Variants in MFHAS1 observed in about 807,000 individuals in gnomAD.
MFHAS1 encodes the protein malignant fibrous histiocytoma-amplified sequence 1.
In MFHAS1, 50 loss-of-function variants were observed where a neutral mutation model predicts 70.4. The observed-to-expected ratio is 0.71, with a 90% CI of 0.57 to 0.90. The LOEUF (loss-of-function observed/expected upper bound fraction) is 0.90, where lower values mean the gene tolerates loss of function less well. Ranked by LOEUF, MFHAS1 falls within the 40% of genes least tolerant of loss-of-function variation. The probability of loss-of-function intolerance (pLI) is 0.00; values close to 1 mark genes in which losing one functional copy is unlikely to be tolerated. For synonymous variants in MFHAS1, 952 were observed against 620.0 expected (o/e 1.54, Z -7.96); for missense variants, 1,795 against 1,347.6 (o/e 1.33, Z -5.20).
chr8:8,817,592 T>TG (rs553614670), intron 1 of MFHAS1, among the ~76,000 whole-genome samples: 4 of 152,206 alleles, frequency 2.6e-5, no homozygotes, highest in Middle Eastern at 3.2e-3. Context: ...AGCCCGCAGA[T>TG]GGGGGGGCTC....
intron 2 of MFHAS1, among the ~76,000 whole-genome samples, chr8:8,789,321 C>T (rs111663262): frequency 0.013 from 2,022 of 152,304 alleles, 39 homozygotes; most frequent in South Asian, 0.049. Context: ...TACAAAGCTA[C>T]GCTGTTACCC....
chr8:8,852,855 C>T (rs1037580027), intron 1 of MFHAS1, among the ~76,000 whole-genome samples: 8 of 152,266 alleles, frequency 5.3e-5, no homozygotes, highest in African/African-American at 1.7e-4. Context: ...TTGTTAGCCC[C>T]GATGAGTCAA....
intron 1 of MFHAS1, among the ~76,000 whole-genome samples, chr8:8,875,858 A>G (rs571533831): frequency 6.6e-6 from 1 of 152,346 alleles, no homozygotes; most frequent in Middle Eastern, 3.4e-3. Flanking sequence ...AAGTGCTGGC[A>G]TTACAGGTGT....
intron 1 of MFHAS1, among the ~76,000 whole-genome samples, chr8:8,856,215 G>C (rs1808432416): frequency 1.3e-5 from 2 of 152,198 alleles, no homozygotes; most frequent in Admixed American, 6.5e-5. Context: ...AGCAGCCAAA[G>C]GAGCTGGGCA....
chr8:8,890,734 G>A lies in MFHAS1; in HGVS notation c.2325C>T (p.Pro775=), dbSNP rs61748276. The A allele has an allele frequency of 1.5e-4, 237 of 1,613,616 alleles. No homozygotes were observed. In the African/African-American group the frequency reaches 2.8e-3, roughly 19 times the overall value. ...GGGTGGCCCGGAGCAGTTCCTGGCT[G>A]GGGGTGGACCGCGCCATGGGCGGGG... is the stretch of plus-strand genomic sequence containing the variant. ...ESSPPMARST[P]SQELLRATQL... The change falls in exon 1 of 3, where the codon CCC becomes CCT. Residue 775 remains proline, a synonymous_variant. Transcript: ENST00000276282.
intron 1 of MFHAS1, among the ~76,000 whole-genome samples, chr8:8,846,434 G>C (rs1249441905): frequency 1.3e-5 from 2 of 151,998 alleles, no homozygotes; most frequent in East Asian, 3.9e-4. Flanking sequence ...CAAGGTATCA[G>C]TGTTCCTTGC....
chr8:8,871,779 G>A (rs1809084459), intron 1 of MFHAS1, among the ~76,000 whole-genome samples: 3 of 152,180 alleles, frequency 2.0e-5, no homozygotes, highest in South Asian at 4.1e-4. Flanking sequence ...AGATGCATGG[G>A]CTCAGATGTA....
At chr8:8,835,961 TG>T (rs1476454456) in intron 1 of MFHAS1, among the ~76,000 whole-genome samples, 1 of 152,214 alleles carries the variant, frequency 6.6e-6, no homozygotes, top group Non-Finnish European at 1.5e-5. Context: ...GCTACTACAG[TG>T]GCACAGGTAG....
At chr8:8,801,746 C>T (rs984296318) in intron 1 of MFHAS1, among the ~76,000 whole-genome samples, 4 of 152,180 alleles carry the variant, frequency 2.6e-5, no homozygotes, top group Non-Finnish European at 5.9e-5. Flanking sequence ...CTGAAGAAGA[C>T]GCAGGGGTCT....
Position 8,784,052 on chromosome 8 carries a change from T to TA in MFHAS1, c.*1969dup. 6.6e-6 allele frequency: 1 copy of TA among 152,326 alleles called. No homozygotes were observed. The highest frequency in any genetic ancestry group is 6.5e-5 in the Admixed American group (1 of 15,304). The allele number at this position is 152,326 out of a possible 1,614,324, so 9.4% of individuals were successfully genotyped here. ...TTAAGAATGTGGGCGTTTATGTTCG[T>TA]AACAGCAAATACTTTGTAGGGTGTG... On this transcript the variant is annotated 3_prime_UTR_variant, in exon 3 of 3. Transcript: ENST00000276282.
rs563020321 is a variant in MFHAS1 at position 8,842,935 on chromosome 8, C to G, written c.2999-45444G>C. ...TACAAATTAGCATGGTTTGAATTAACAGAAAAACAAAAGAGTAGTATCTGG... is the reference window on the plus strand; with the variant it reads ...TACAAATTAGCATGGTTTGAATTAAGAGAAAAACAAAAGAGTAGTATCTGG... On this transcript the variant is annotated intron_variant, in intron 1 of 2. Coordinates refer to ENST00000276282, the MANE Select transcript of MFHAS1 (RefSeq NM_004225.3). Among the ~76,000 whole-genome samples the G allele has an allele frequency of 9.2e-5, 14 of 152,260 alleles. No homozygotes were observed. In the South Asian group the frequency reaches 1.9e-3, roughly 20 times the overall value.
chr8:8,828,890 CT>C (rs1807262726), intron 1 of MFHAS1, among the ~76,000 whole-genome samples: 2 of 152,202 alleles, frequency 1.3e-5, no homozygotes, highest in Admixed American at 6.5e-5. Context: ...TATCCCGCCC[CT>C]AGCTCAGTCC....
Position 8,832,814 on chromosome 8 carries a change from T to C in MFHAS1, c.2999-35323A>G, listed in dbSNP as rs563568629. 1.3e-4 allele frequency among the ~76,000 whole-genome samples: 20 copies of C among 152,224 alleles called. No individual in the cohort carries two copies. In the South Asian group the frequency reaches 2.7e-3, roughly 21 times the overall value. ...ATGCTAAGTTTTCACTTTTAATTTT[T>C]TGTCGAGGCGAGGTCTCTTTTAGTT... On this transcript the variant is annotated intron_variant, in intron 1 of 2. Coordinates refer to ENST00000276282, the MANE Select transcript of MFHAS1 (RefSeq NM_004225.3).
At chr8:8,804,082 C>T (rs547931276) in intron 1 of MFHAS1, among the ~76,000 whole-genome samples, 1 of 152,314 alleles carries the variant, frequency 6.6e-6, no homozygotes, top group South Asian at 2.1e-4. Flanking sequence ...CTTTGGTACC[C>T]ATGGGGGTCC....
intron 1 of MFHAS1, among the ~76,000 whole-genome samples, chr8:8,810,621 C>T (rs1454536605): frequency 2.0e-5 from 3 of 152,174 alleles, no homozygotes; most frequent in Non-Finnish European, 4.4e-5. Flanking sequence ...TTTCCCCTAG[C>T]TTAGTTTATC....
intron 1 of MFHAS1, among the ~76,000 whole-genome samples, chr8:8,797,807 A>G (rs1157743546): frequency 2.6e-5 from 4 of 152,162 alleles, no homozygotes; most frequent in Non-Finnish European, 5.9e-5. Flanking sequence ...ATCTTTATCT[A>G]GATATCAACG....
chr8:8,882,320 G>T (rs962566466), intron 1 of MFHAS1, among the ~76,000 whole-genome samples: 1 of 152,206 alleles, frequency 6.6e-6, no homozygotes, highest in African/African-American at 2.4e-5. Context: ...AACCCAGGAG[G>T]TGGAGGTTGC....
chr8:8,841,628 A>C (rs1443095426), intron 1 of MFHAS1, among the ~76,000 whole-genome samples: 1 of 152,162 alleles, frequency 6.6e-6, no homozygotes, highest in Non-Finnish European at 1.5e-5. Context: ...TATTTCAAAA[A>C]TGGCAATGGT....
intron 1 of MFHAS1, among the ~76,000 whole-genome samples, chr8:8,801,713 T>C (rs774264641): frequency 1.1e-4 from 16 of 152,194 alleles, no homozygotes; most frequent in Non-Finnish European, 1.9e-4. Flanking sequence ...AACTAACTAT[T>C]GAGACCTTAC....
Sources: allele counts gnomAD v4.1 joint callset (sites outside exome capture counted in the v4.1 genomes callset), GRCh38; gene constraint gnomAD v4.1.1; transcripts MANE v1.5; gene names NCBI Gene and HGNC (gene_info 2026-07-23, HGNC 2026-07-21).